PHRF1: variants seen among roughly 807,000 people sequenced by gnomAD.
PHRF1 encodes PHD and RING finger domain-containing protein 1.
PHRF1 carries 53 observed loss-of-function variants against 128.9 expected under a neutral mutation model. The ratio of observed to expected loss-of-function variants is 0.41; its 90% CI spans 0.33 to 0.52. The LOEUF (loss-of-function observed/expected upper bound fraction) is 0.52, where lower values mean the gene tolerates loss of function less well. Among genes scored for constraint, PHRF1 ranks in the 20% least tolerant of loss-of-function variants. The pLI, the probability that PHRF1 is intolerant of heterozygous loss-of-function variation, is 0.21. For synonymous variants in PHRF1, 1,178 were observed against 980.6 expected (o/e 1.20, Z -3.76); for missense variants, 2,503 against 2,284.5 (o/e 1.10, Z -1.95).
Position 609,092 on chromosome 11 carries a change from G to A in PHRF1, c.3636G>A (p.Gly1212=). 4 of 1,604,158 alleles carry A rather than the reference G, an allele frequency of 2.5e-6. No homozygotes were observed. The highest frequency in any genetic ancestry group is 1.3e-5 in the African/African-American group (1 of 74,962). ...CGCCCCTTGCACAGGGGGAGCCAGGGCGGGAAGACCTCCCCACCAGGTTGC... is the reference window on the plus strand; with the variant it reads ...CGCCCCTTGCACAGGGGGAGCCAGGACGGGAAGACCTCCCCACCAGGTTGC... The part of the protein sequence containing the change: ...SPAPLAQGEP[G]REDLPTRLPA... Residue 1212 remains glycine (G), a synonymous_variant, in exon 14 of 18, where the codon GGG becomes GGA. Transcript: ENST00000264555.
chr11:579,244 AGCCCTGCTCCTC>A lies in PHRF1; in HGVS notation c.-21-2247_-21-2236del, dbSNP rs1226467434. 1.6e-4 allele frequency among the ~76,000 whole-genome samples: 23 copies of A among 148,068 alleles called. No homozygotes were observed. The East Asian group carries it at 2.7e-3, about 17-fold the overall frequency. ...CTCCCCCAGCCCTGCTCCTCCCCCCAGCCCTGCTCCTCCCCCCAGCCCTGCTCTGTTATCTCT... is the reference window on the plus strand; with the variant it reads ...CTCCCCCAGCCCTGCTCCTCCCCCCACCCCCAGCCCTGCTCTGTTATCTCT... On this transcript the variant is annotated intron_variant, in intron 1 of 17. Transcript: ENST00000264555.
chr11:606,967 G>T (rs1053633411), intron 13 of PHRF1, 99 bp from the exon 14 acceptor site: 71 of 1,496,794 alleles, frequency 4.7e-5, no homozygotes, highest in Non-Finnish European at 6.0e-5. Context: ...AGTTTAAAGC[G>T]CACGACCTCA....
rs1247081310 is a variant in PHRF1 at position 608,070 on chromosome 11, A to G, written c.2614A>G (p.Thr872Ala). 1.2e-6 allele frequency: 2 copies of G among 1,611,636 alleles called. No homozygotes were observed. Among genetic ancestry groups the G allele is most frequent in the Non-Finnish European group, 1.7e-6 (2 of 1,179,856 alleles). ...CTCCATCAACAGCCCGAAGGCCCAG[A>G]CGGTGCAGGCTGTGCGCTGCGTCAC... ...TISINSPKAQ[T>A]VQAVRCVTSY... The change falls in exon 14 of 18, where the codon ACG becomes GCG. Residue 872 changes from threonine (T) to alanine (A), a missense_variant. Coordinates refer to ENST00000264555, the MANE Select transcript of PHRF1 (RefSeq NM_001286581.2).
rs766674678 is a variant in PHRF1 at position 605,105 on chromosome 11, G to C, written c.1153-14G>C. 27 of 1,597,536 alleles carry C rather than the reference G, an allele frequency of 1.7e-5. No homozygotes were observed. The highest frequency in any genetic ancestry group is 2.3e-5 in the Non-Finnish European group (27 of 1,167,950). ...CGTCTCTCTGTTCATCTTTTTCTTTGTTACTGGATTCAGAGTGAAGCCACC... is the reference window on the plus strand; with the variant it reads ...CGTCTCTCTGTTCATCTTTTTCTTTCTTACTGGATTCAGAGTGAAGCCACC... On this transcript the variant is annotated splice_polypyrimidine_tract_variant and intron_variant, in intron 10 of 17. Transcript: ENST00000264555.
At chr11:580,588 C>T (rs1052992306) in intron 1 of PHRF1, among the ~76,000 whole-genome samples, 16 of 152,318 alleles carry the variant, frequency 1.1e-4, no homozygotes, top group African/African-American at 3.6e-4. Context: ...GAGCACCCTA[C>T]GTGTCACTGA....
chr11:585,611 CTTG>C lies in PHRF1; in HGVS notation c.215-1647_215-1645del, dbSNP rs1235027648. ...AGCTTGAGGTAGTAGCCCTTTCCAG[CTTG>C]AGGTAGTAGCCCTTTCCAGCTTGAG... is the stretch of plus-strand genomic sequence containing the variant. On this transcript the variant is annotated intron_variant, in intron 3 of 17. Coordinates refer to ENST00000264555, the MANE Select transcript of PHRF1 (RefSeq NM_001286581.2). 5.7e-4 allele frequency among the ~76,000 whole-genome samples: 61 copies of C among 106,802 alleles called. 5 individuals are homozygous for C. The highest frequency in any genetic ancestry group is 4.4e-3 in the Middle Eastern group (1 of 226). 70.1% of individuals were successfully genotyped at this position (106,802 alleles called of 152,430 possible).
chr11:589,359 C>T (rs1854784573), intron 4 of PHRF1, among the ~76,000 whole-genome samples: 1 of 152,168 alleles, frequency 6.6e-6, no homozygotes, highest in Non-Finnish European at 1.5e-5. Context: ...TGATTCCGTC[C>T]TTCCCAGCAG....
chr11:589,293 G>A (rs904356547), intron 4 of PHRF1, among the ~76,000 whole-genome samples: 1 of 152,232 alleles, frequency 6.6e-6, no homozygotes, highest in Admixed American at 6.5e-5. Flanking sequence ...AGCCGTGACT[G>A]AAGCAAGGCC....
chr11:582,260 A>G (rs1196837530), intron 3 of PHRF1, among the ~76,000 whole-genome samples, 179 bp downstream of exon 3: 2 of 124,352 alleles, frequency 1.6e-5, no homozygotes, highest in Non-Finnish European at 3.3e-5. Flanking sequence ...GTAGTACTTC[A>G]TTTCTTTTTT....
At chr11:596,519 G>A (rs1855287702) in intron 6 of PHRF1, among the ~76,000 whole-genome samples, 2 of 152,164 alleles carry the variant, frequency 1.3e-5, no homozygotes, top group Admixed American at 6.5e-5. Context: ...GTCGTGTGTC[G>A]CAGCCAGCTC....
chr11:609,481 A>G lies in PHRF1; in HGVS notation c.4025A>G (p.Gln1342Arg), dbSNP rs777683144. 4 of 1,605,172 alleles carry G rather than the reference A, an allele frequency of 2.5e-6. No individual in the cohort carries two copies. The highest frequency in any genetic ancestry group is 2.7e-5 in the African/African-American group (2 of 74,894). The change falls in exon 14 of 18, where the codon CAG becomes CGG. Residue 1342 changes from glutamine (Q) to arginine (R), a missense_variant. Gln to Arg is a conservative substitution (Grantham distance 43, BLOSUM62 1). Transcript: ENST00000264555. ...CCCCCACCCCTGCCAGAGGGCACCCAGGAGCCACATTTGCTCAGGCCGGAC... is the reference window on the plus strand; with the variant it reads ...CCCCCACCCCTGCCAGAGGGCACCCGGGAGCCACATTTGCTCAGGCCGGAC... ...SQPPPLPEGT[Q>R]EPHLLRPDAA...
chr11:609,400 C>T lies in PHRF1; in HGVS notation c.3944C>T (p.Ala1315Val). ...LKPALPPASL[A>V]VAAIQREVSL... ...CCTGCGTTGCCCCCAGCCAGCCTGG[C>T]CGTGGCCGCCATCCAGAGGGAGGTG... Residue 1315 changes from alanine (A) to valine (V), a missense_variant, in exon 14 of 18, where the codon GCC (alanine) becomes GTC (valine). Physicochemically the swap from Ala to Val is moderately conservative, Grantham distance 64. Coordinates refer to ENST00000264555, the MANE Select transcript of PHRF1 (RefSeq NM_001286581.2). The T allele has an allele frequency of 1.2e-6, 2 of 1,610,810 alleles. No individual in the cohort carries two copies.
chr11:598,529 G>A (rs753259672), intron 9 of PHRF1, 27 bp downstream of exon 9: 12 of 1,596,292 alleles, frequency 7.5e-6, no homozygotes, highest in South Asian at 4.5e-5. Flanking sequence ...GGACTCTCCC[G>A]CCAGCCACAG....
intron 10 of PHRF1, among the ~76,000 whole-genome samples, chr11:602,969 A>G (rs1056048368): frequency 5.9e-5 from 9 of 151,908 alleles, no homozygotes; most frequent in East Asian, 3.9e-4. Context: ...CACCATGTTG[A>G]TCAGGCTGGT....
At position 587,337 on chromosome 11, in the gene PHRF1, C is replaced by T. The variant is rs893745769; in HGVS notation, c.293C>T (p.Ser98Phe). ...GTQGKLEAAG[S>F]FNSDDDAESC... is the part of the protein sequence containing the mutation. ...CAGGGGAAACTGGAAGCCGCTGGCTCTTTCAATTCTGATGATGATGCAGAG... is the reference window on the plus strand; with the variant it reads ...CAGGGGAAACTGGAAGCCGCTGGCTTTTTCAATTCTGATGATGATGCAGAG... The change falls in exon 4 of 18, where the codon TCT (serine) becomes TTT (phenylalanine). Residue 98 changes from serine to phenylalanine, a missense_variant. Physicochemically the swap from Ser to Phe is radical, Grantham distance 155. Coordinates refer to ENST00000264555, the MANE Select transcript of PHRF1 (RefSeq NM_001286581.2). 3.3e-5 allele frequency: 54 copies of T among 1,613,696 alleles called. No homozygotes were observed. The highest frequency in any genetic ancestry group is 4.3e-5 in the Non-Finnish European group (51 of 1,179,912).
intron 4 of PHRF1, among the ~76,000 whole-genome samples, chr11:590,198 G>A (rs1854885084): frequency 6.6e-6 from 1 of 152,238 alleles, no homozygotes; most frequent in Non-Finnish European, 1.5e-5. Flanking sequence ...CCCTGGAGCT[G>A]GTCGGTAGGA....
rs553032976 is a variant in PHRF1, at chr11:600,462, C to A, written c.1025-1112C>A. 5.0e-5 allele frequency among the ~76,000 whole-genome samples: 7 copies of A among 140,476 alleles called. No homozygotes were observed. The East Asian group carries it at 1.0e-3, about 20-fold the overall frequency. The allele number at this position is 140,476 out of a possible 152,430, so 92.2% of individuals were successfully genotyped here. On this transcript the variant is annotated intron_variant, in intron 9 of 17. Coordinates refer to ENST00000264555, the MANE Select transcript of PHRF1 (RefSeq NM_001286581.2). ...TGAGATGGCGCCACTGCAGTCCAGC[C>A]TGGGTGACAGAGTGAGACTCTGTCT...
chr11:610,890 G>C, intron 16 of PHRF1, 64 bp from the exon 17 acceptor site: 2 of 1,595,572 alleles, frequency 1.3e-6, no homozygotes, highest in Non-Finnish European at 8.6e-7. Context: ...CAGAACCACA[G>C]TGCCTCTGGC....
intron 5 of PHRF1, among the ~76,000 whole-genome samples, chr11:591,754 T>C (rs1478419362): frequency 6.6e-6 from 1 of 151,992 alleles, no homozygotes; most frequent in African/African-American, 2.4e-5. Context: ...TGCTCGGAGC[T>C]CTTTATTTTT....
Sources: allele counts gnomAD v4.1 joint callset (sites outside exome capture counted in the v4.1 genomes callset), GRCh38; gene constraint gnomAD v4.1.1; transcripts MANE v1.5; gene names NCBI Gene and HGNC (gene_info 2026-07-23, HGNC 2026-07-21).